IL1RL2: variants seen among roughly 807,000 people sequenced by gnomAD.
The protein encoded by IL1RL2 is interleukin-1 receptor-like 2.
A neutral mutation model predicts 66.8 loss-of-function variants in IL1RL2; 68 were observed. That is an observed-to-expected ratio of 1.02 (90% CI 0.84 to 1.25). The LOEUF (loss-of-function observed/expected upper bound fraction) is 1.25. IL1RL2 is among the 50% of genes most tolerant of loss of function. The probability of loss-of-function intolerance (pLI) is 0.00; values close to 1 mark genes in which losing one functional copy is unlikely to be tolerated. For synonymous variants in IL1RL2, 305 were observed against 264.6 expected (o/e 1.15, Z -1.48); for missense variants, 729 against 709.3 (o/e 1.03, Z -0.32).
intron 11 of IL1RL2, chr2:102,235,966 T>A (rs3755284): frequency 0.15 from 144,915 of 983,070 alleles, 12,046 homozygotes; most frequent in East Asian, 0.32. Flanking sequence ...AAGCAGGAAT[T>A]CCTTTTCTCT....
chr2:102,202,838 G>A (rs1185699087), intron 5 of IL1RL2, among the ~76,000 whole-genome samples: 1 of 152,134 alleles, frequency 6.6e-6, no homozygotes, highest in Non-Finnish European at 1.5e-5. Context: ...ATGATAATTT[G>A]AATTCTTCTT....
At chr2:102,195,115 C>T (rs1055485892) in intron 4 of IL1RL2, among the ~76,000 whole-genome samples, 2 of 152,116 alleles carry the variant, frequency 1.3e-5, no homozygotes, top group African/African-American at 4.8e-5. Flanking sequence ...GGTTTGCTAG[C>T]CTCTTGTCTA....
intron 5 of IL1RL2, among the ~76,000 whole-genome samples, chr2:102,210,386 C>T (rs1689064479): frequency 6.6e-6 from 1 of 152,112 alleles, no homozygotes; most frequent in African/African-American, 2.4e-5. Flanking sequence ...AGAACAATGA[C>T]AAGCAGCCAG....
chr2:102,221,824 G>A (rs2160226), intron 8 of IL1RL2, among the ~76,000 whole-genome samples: 42,687 of 152,016 alleles, frequency 0.28, 6,628 homozygotes, highest in East Asian at 0.39. Context: ...AGAATCAGCT[G>A]GAATTTTCTT....
intron 8 of IL1RL2, 64 bp from the exon 9 acceptor site, chr2:102,225,834 T>C: frequency 7.6e-7 from 1 of 1,314,058 alleles, no homozygotes; most frequent in South Asian, 1.7e-5. Context: ...GTAAAGTATA[T>C]AATGGACTCT....
downstream of IL1RL2, among the ~76,000 whole-genome samples, chr2:102,240,462 T>C (rs1473862164): frequency 6.8e-6 from 1 of 147,918 alleles, no homozygotes; most frequent in African/African-American, 2.5e-5. Context: ...AAGGCTTTCA[T>C]ATTTTTAAAA....
chr2:102,239,058 G>A lies in IL1RL2; in HGVS notation c.1679-134G>A, dbSNP rs923696496. 5.7e-6 allele frequency: 4 copies of A among 700,466 alleles called. No homozygotes were observed. In the Admixed American group the frequency reaches 6.5e-5, roughly 11 times the overall value. 43.4% of individuals were successfully genotyped at this position (700,466 alleles called of 1,614,324 possible). On this transcript the variant is annotated intron_variant, in intron 11 of 11. Transcript: ENST00000264257. ...TTGCAAAGATAACCCAAGAGAAATG[G>A]AAGCCTCAGGGATATACCACCAGAT... is the stretch of plus-strand genomic sequence containing the variant.
intron 11 of IL1RL2, among the ~76,000 whole-genome samples, chr2:102,236,579 G>A (rs13015614): frequency 0.051 from 7,727 of 152,010 alleles, 218 homozygotes; most frequent in Middle Eastern, 0.15. Context: ...TTTTTATTTC[G>A]GTAAACTATA....
At chr2:102,197,452 A>T (rs17026757) in intron 4 of IL1RL2, among the ~76,000 whole-genome samples, 20 of 152,188 alleles carry the variant, frequency 1.3e-4, no homozygotes, top group Non-Finnish European at 2.8e-4. Flanking sequence ...ATTCCAGTTA[A>T]GATAGAAAAG....
chr2:102,220,892 A>G (rs1690065370), intron 8 of IL1RL2, among the ~76,000 whole-genome samples: 1 of 152,188 alleles, frequency 6.6e-6, no homozygotes, highest in African/African-American at 2.4e-5. Flanking sequence ...GCCCCTGCCA[A>G]GCTCCTGGCC....
intron 4 of IL1RL2, among the ~76,000 whole-genome samples, chr2:102,198,297 T>C (rs940561001): frequency 1.3e-5 from 2 of 152,174 alleles, no homozygotes; most frequent in African/African-American, 4.8e-5. Flanking sequence ...CCTACGAAAA[T>C]CCTGGCTTAC....
intron 7 of IL1RL2, among the ~76,000 whole-genome samples, chr2:102,219,316 T>C (rs868049916): frequency 6.6e-6 from 1 of 152,226 alleles, no homozygotes; most frequent in Non-Finnish European, 1.5e-5. Context: ...CATTCAGTTA[T>C]ATCATGAGCC....
intron 9 of IL1RL2, among the ~76,000 whole-genome samples, chr2:102,226,259 A>G (rs1690602500): frequency 6.6e-6 from 1 of 152,224 alleles, no homozygotes; most frequent in Non-Finnish European, 1.5e-5. Context: ...GATTGAGGAA[A>G]TATTTGCTAA....
chr2:102,219,985 T>C lies in IL1RL2; in HGVS notation c.959T>C (p.Val320Ala). Residue 320 changes from valine to alanine, a missense_variant, in exon 8 of 12, where the codon GTG (valine) becomes GCG (alanine). By Grantham distance (64) the Val-to-Ala change is moderately conservative (BLOSUM62 0). Transcript: ENST00000264257. ...YGLPFMCHAG[V>A]STAYIILQLP... The stretch of plus-strand genomic sequence containing the variant: ...CTTCCTTTCATGTGCCACGCTGGAG[T>C]GTCCACAGCATACATTATATTACAG... 1 of 1,613,536 alleles carries C rather than the reference T, an allele frequency of 6.2e-7. No individual in the cohort carries two copies.
chr2:102,207,419 A>T (rs1221167370), intron 5 of IL1RL2, among the ~76,000 whole-genome samples: 1 of 152,098 alleles, frequency 6.6e-6, no homozygotes, highest in Non-Finnish European at 1.5e-5. Flanking sequence ...ATTGCTACTG[A>T]TTATTCATGG....
intron 8 of IL1RL2, among the ~76,000 whole-genome samples, chr2:102,223,571 T>C (rs561929803): frequency 6.6e-6 from 1 of 152,284 alleles, no homozygotes; most frequent in African/African-American, 2.4e-5. Flanking sequence ...GATGTCCTGT[T>C]TCCAATTTCA....
intron 6 of IL1RL2, among the ~76,000 whole-genome samples, chr2:102,214,395 A>C (rs1689428742): frequency 6.6e-6 from 1 of 152,204 alleles, no homozygotes; most frequent in Non-Finnish European, 1.5e-5. Flanking sequence ...TACATGCCTG[A>C]AATAGCATAT....
At chr2:102,232,729 C>G (rs1393696180) in intron 9 of IL1RL2, among the ~76,000 whole-genome samples, 1 of 152,068 alleles carries the variant, frequency 6.6e-6, no homozygotes, top group Non-Finnish European at 1.5e-5. Flanking sequence ...TGCAGCCTAC[C>G]CAGCCTCAGC....
intron 4 of IL1RL2, among the ~76,000 whole-genome samples, chr2:102,198,407 G>A (rs1361029625): frequency 6.6e-6 from 1 of 152,146 alleles, no homozygotes; most frequent in African/African-American, 2.4e-5. Flanking sequence ...TCTACACCTG[G>A]AAAAGTGGTA....
Sources: gnomAD v4.1 joint callset for allele counts (sites outside exome capture counted in the v4.1 genomes callset) on GRCh38, gnomAD v4.1.1 for gene constraint, MANE v1.5 for transcripts, NCBI Gene and HGNC (gene_info 2026-07-23, HGNC 2026-07-21) for gene names.